Variants in DRC11 observed in about 807,000 individuals in gnomAD.
DRC11 encodes the protein dynein regulatory complex subunit 11.
the DRC11 span, among the ~76,000 whole-genome samples, chr2:236,362,467 C>T: frequency 6.6e-6 from 1 of 152,128 alleles, no homozygotes; most frequent in African/African-American, 2.4e-5. This position sits in a 1 kb window ranked among gnomAD's most constrained non-coding sequence, Gnocchi z 5.7. Flanking sequence ...ATTTTTCCTT[C>T]TTTATGGTTT....
the DRC11 span, among the ~76,000 whole-genome samples, chr2:236,470,032 T>C: frequency 6.6e-6 from 1 of 152,164 alleles, no homozygotes; most frequent in Non-Finnish European, 1.5e-5. The surrounding 1 kb of genome is among the most constrained non-coding windows in gnomAD (Gnocchi z 5.1). Context: ...AAAATATACA[T>C]ATTAATAATT....
chr2:236,357,731 A>G, the DRC11 span, among the ~76,000 whole-genome samples: 4 of 126,624 alleles, frequency 3.2e-5, no homozygotes, highest in East Asian at 7.0e-4. Context: ...ATATATAAAT[A>G]TACATATAAT....
At chr2:236,488,018 A>T in the DRC11 span, 2 of 1,596,126 alleles carry the variant, frequency 1.3e-6, no homozygotes, top group Admixed American at 1.7e-5. Context: ...TGCGGAGTGC[A>T]GCAGCCCAGG....
At chr2:236,472,777 TG>T in the DRC11 span, among the ~76,000 whole-genome samples, 1 of 152,178 alleles carries the variant, frequency 6.6e-6, no homozygotes, top group African/African-American at 2.4e-5. The surrounding 1 kb of genome is among the most constrained non-coding windows in gnomAD (Gnocchi z 4.6). Flanking sequence ...TGAGGCTCAC[TG>T]GTTAAGTATG....
chr2:236,310,988 T>C, the DRC11 span, among the ~76,000 whole-genome samples: 1 of 152,232 alleles, frequency 6.6e-6, no homozygotes, highest in Non-Finnish European at 1.5e-5. This position sits in a 1 kb window ranked among gnomAD's most constrained non-coding sequence, Gnocchi z 5.5. Context: ...GAGTAAAATC[T>C]ATCTTTCAAG....
the DRC11 span, among the ~76,000 whole-genome samples, chr2:236,307,677 T>C: frequency 1.2e-4 from 18 of 152,288 alleles, no homozygotes; most frequent in Middle Eastern, 3.4e-3. This position sits in a 1 kb window ranked among gnomAD's most constrained non-coding sequence, Gnocchi z 7.0. Flanking sequence ...GCCAGACTCT[T>C]GCAGCAACAT....
chr2:236,363,640 T>C, the DRC11 span: 1 of 702,178 alleles, frequency 1.4e-6, no homozygotes, highest in Non-Finnish European at 2.4e-6. This position sits in a 1 kb window ranked among gnomAD's most constrained non-coding sequence, Gnocchi z 5.6. Flanking sequence ...CCATACGCAA[T>C]AATGAAGTAA....
chr2:236,368,237 C>A, the DRC11 span: 41 of 1,611,494 alleles, frequency 2.5e-5, no homozygotes, highest in South Asian at 3.9e-4. Flanking sequence ...GTCTGACATC[C>A]AGGAGGGAGG....
At chr2:236,387,771 A>G in the DRC11 span, among the ~76,000 whole-genome samples, 5 of 151,260 alleles carry the variant, frequency 3.3e-5, no homozygotes, top group Non-Finnish European at 1.5e-5. Context: ...TGGTCTTTAC[A>G]TTTTGGCATG....
chr2:236,402,502 G>C, the DRC11 span, among the ~76,000 whole-genome samples: 1 of 152,276 alleles, frequency 6.6e-6, no homozygotes, highest in Non-Finnish European at 1.5e-5. The surrounding 1 kb of genome is among the most constrained non-coding windows in gnomAD (Gnocchi z 6.0). Flanking sequence ...AAGAGCTTCA[G>C]GGGAGGCCCG....
At chr2:236,358,615 C>T in the DRC11 span, among the ~76,000 whole-genome samples, 8 of 144,880 alleles carry the variant, frequency 5.5e-5, no homozygotes, top group Non-Finnish European at 7.6e-5. Flanking sequence ...GACAGCGGAG[C>T]GGGAAGGGCT....
At chr2:236,458,402 A>G in the DRC11 span, among the ~76,000 whole-genome samples, 1 of 152,242 alleles carries the variant, frequency 6.6e-6, no homozygotes, top group African/African-American at 2.4e-5. Context: ...GTAAAATCCA[A>G]GTGAATTAAC....
the DRC11 span, among the ~76,000 whole-genome samples, chr2:236,307,406 G>A: frequency 3.3e-5 from 5 of 152,318 alleles, no homozygotes; most frequent in East Asian, 9.6e-4. This position sits in a 1 kb window ranked among gnomAD's most constrained non-coding sequence, Gnocchi z 7.0. Flanking sequence ...GCCAGTGCCT[G>A]CAGACCCCTG....
chr2:236,307,861 G>A, the DRC11 span, among the ~76,000 whole-genome samples: 1 of 152,224 alleles, frequency 6.6e-6, no homozygotes, highest in Non-Finnish European at 1.5e-5. The surrounding 1 kb of genome is among the most constrained non-coding windows in gnomAD (Gnocchi z 7.0). Context: ...GTGTGGCTGG[G>A]AGGTCCTGGG....
At chr2:236,435,996 AT>A in the DRC11 span, among the ~76,000 whole-genome samples, 2 of 152,198 alleles carry the variant, frequency 1.3e-5, no homozygotes, top group African/African-American at 4.8e-5. Context: ...TCACTTAAAA[AT>A]GTCATGCTAA....
chr2:236,490,259 T>A, the DRC11 span, among the ~76,000 whole-genome samples: 5 of 152,034 alleles, frequency 3.3e-5, no homozygotes, highest in Admixed American at 1.3e-4. The surrounding 1 kb of genome is among the most constrained non-coding windows in gnomAD (Gnocchi z 5.5). Flanking sequence ...CACTTAAGAG[T>A]GAAGACAACT....
At chr2:236,425,296 T>A in the DRC11 span, among the ~76,000 whole-genome samples, 4 of 152,070 alleles carry the variant, frequency 2.6e-5, no homozygotes, top group Admixed American at 6.5e-5. Flanking sequence ...AAGGGTCCCC[T>A]TCTCTCACAT....
the DRC11 span, among the ~76,000 whole-genome samples, chr2:236,357,842 T>TAC: frequency 4.0e-5 from 4 of 99,564 alleles, no homozygotes; most frequent in Non-Finnish European, 8.5e-5. Context: ...TATATAAATA[T>TAC]GTAATATATA....
the DRC11 span, chr2:236,331,586 G>C: frequency 6.2e-7 from 1 of 1,612,710 alleles, no homozygotes; most frequent in South Asian, 1.1e-5. The surrounding 1 kb of genome is among the most constrained non-coding windows in gnomAD (Gnocchi z 4.8). Flanking sequence ...TCAATGATTT[G>C]CTTCCACAGA....
Sources: allele counts gnomAD v4.1 joint callset (sites outside exome capture counted in the v4.1 genomes callset), GRCh38; gene constraint gnomAD v4.1.1; non-coding constraint Gnocchi (gnomAD v3.1); transcripts MANE v1.5; gene names NCBI Gene and HGNC (gene_info 2026-07-23, HGNC 2026-07-21).